The following RBKS variants were observed in gnomAD, a reference collection of about 807,000 sequenced individuals.
RBKS encodes the protein ribokinase.
RBKS carries 33 observed loss-of-function variants against 33.9 expected under a neutral mutation model. The observed-to-expected ratio is 0.97, with a 90% CI of 0.74 to 1.30. The LOEUF (loss-of-function observed/expected upper bound fraction) is 1.30, where lower values mean the gene tolerates loss of function less well. RBKS is among the 50% of genes most tolerant of loss of function. The pLI is 0.00. For missense variants in RBKS, 361 were observed against 392.6 expected, an observed-to-expected ratio of 0.92 and a Z score of 0.68; for synonymous variants, 125 against 143.0, an observed-to-expected ratio of 0.87 and a Z score of 0.90.
Position 27,872,001 on chromosome 2 carries a change from C to T in RBKS, c.90-13430G>A, listed in dbSNP as rs914359282. 9.8e-5 allele frequency among the ~76,000 whole-genome samples: 15 copies of T among 152,288 alleles called. No individual in the cohort carries two copies. In the South Asian group the frequency reaches 2.9e-3, roughly 29 times the overall value. On this transcript the variant is annotated intron_variant, in intron 1 of 7. Coordinates refer to ENST00000302188, the MANE Select transcript of RBKS (RefSeq NM_022128.3). ...CATGTGCAGTTCACGATAGGGTTCACGCTACTATGAGAAACTAATGCTACT... is the reference window on the plus strand; with the variant it reads ...CATGTGCAGTTCACGATAGGGTTCATGCTACTATGAGAAACTAATGCTACT...
intron 1 of RBKS, among the ~76,000 whole-genome samples, chr2:27,889,227 A>C (rs1276720642): frequency 6.6e-6 from 1 of 152,218 alleles, no homozygotes; most frequent in East Asian, 1.9e-4. Flanking sequence ...CTATTTTCTG[A>C]GTAGAATACA....
chr2:27,826,999 G>GAA lies in RBKS; in HGVS notation c.795+566_795+567dup, dbSNP rs11429808. On this transcript the variant is annotated intron_variant, in intron 7 of 7. Transcript: ENST00000302188. ...TCACAGAATTGTTTAAAGATTAAAT[G>GAA]AAAAAAAAGATTAAATGAGATGTAT... is the stretch of plus-strand genomic sequence containing the variant. 6.5e-3 allele frequency among the ~76,000 whole-genome samples: 988 copies of GAA among 151,866 alleles called. 7 individuals carry two copies. The highest frequency in any genetic ancestry group is 8.0e-3 in the Non-Finnish European group (546 of 67,916).
intron 1 of RBKS, among the ~76,000 whole-genome samples, chr2:27,888,797 A>T (rs1052250863): frequency 1.3e-5 from 2 of 152,190 alleles, no homozygotes; most frequent in Non-Finnish European, 2.9e-5. Context: ...GTTAAAAAAA[A>T]ATGTGACCTT....
chr2:27,831,886 A>C (rs982488003), intron 6 of RBKS, among the ~76,000 whole-genome samples: 6 of 131,780 alleles, frequency 4.6e-5, no homozygotes, highest in Non-Finnish European at 9.2e-5. Context: ...CTGCATTCCA[A>C]CCTGGGTGAA....
rs532300263 is a variant in RBKS at position 27,810,469 on chromosome 2, G to T, written c.795+17098C>A. 1.6e-4 allele frequency among the ~76,000 whole-genome samples: 24 copies of T among 152,192 alleles called. No individual in the cohort carries two copies. The South Asian group carries it at 4.8e-3, about 30-fold the overall frequency. On this transcript the variant is annotated intron_variant, in intron 7 of 7. Coordinates refer to ENST00000302188, the MANE Select transcript of RBKS (RefSeq NM_022128.3). This position sits in a 1 kb window ranked among gnomAD's most constrained non-coding sequence, Gnocchi z 4.4. Reference sequence around the variant, plus strand: ...GGAAGGGCATTTATGGATCACCTGAGATTTTAATTTTATTTTTTGTAAGTT... The same window carrying T: ...GGAAGGGCATTTATGGATCACCTGATATTTTAATTTTATTTTTTGTAAGTT...
At chr2:27,880,018 C>T (rs574846321) in intron 1 of RBKS, among the ~76,000 whole-genome samples, 43 of 152,038 alleles carry the variant, frequency 2.8e-4, no homozygotes, top group Middle Eastern at 6.8e-3. Context: ...GATACCAAAA[C>T]CTGGCAAAAG....
At chr2:27,870,014 C>T (rs1006984065) in intron 1 of RBKS, 2 of 152,298 alleles carry the variant, frequency 1.3e-5, no homozygotes, top group Non-Finnish European at 2.9e-5. Flanking sequence ...CCTTTTCCAG[C>T]ACGGACAAAG....
intron 1 of RBKS, among the ~76,000 whole-genome samples, chr2:27,882,462 C>T (rs1027818943): frequency 6.6e-6 from 1 of 152,162 alleles, no homozygotes; most frequent in Non-Finnish European, 1.5e-5. Context: ...AAAAGGAATG[C>T]TTATACACTG....
Position 27,843,162 on chromosome 2 carries a change from G to C in RBKS, c.419C>G (p.Ala140Gly), listed in dbSNP as rs1238105188. 6.2e-7 allele frequency: 1 copy of C among 1,612,832 alleles called. No homozygotes were observed. The highest frequency in any genetic ancestry group is 1.7e-5 in the Admixed American group (1 of 59,852). ...GACTTTGGCTCTGCTAATGACATTG[G>C]CTGCTGCCCTCAGATCCTCCGTATT... ...LLNTEDLRAA[A>G]NVISRAKVMV... The change falls in exon 5 of 8, where the codon GCC becomes GGC. Residue 140 changes from alanine to glycine, a missense_variant. By Grantham distance (60) the Ala-to-Gly change is moderately conservative. Coordinates refer to ENST00000302188, the MANE Select transcript of RBKS (RefSeq NM_022128.3).
At position 27,803,613 on chromosome 2, in the gene RBKS, CAG is replaced by C. The variant is rs769902203; in HGVS notation, c.796-21827_796-21826del. 8.6e-5 allele frequency among the ~76,000 whole-genome samples: 13 copies of C among 151,232 alleles called. 2 individuals carry two copies. The highest frequency in any genetic ancestry group is 3.3e-4 in the Admixed American group (5 of 15,188). ...GCAGAGGTGGGAGGATTTATTGAGT[CAG>C]GGGGTGGAAGTCACAGTGAGACAAG... On this transcript the variant is annotated intron_variant, in intron 7 of 7. Coordinates refer to ENST00000302188, the MANE Select transcript of RBKS (RefSeq NM_022128.3).
intron 1 of RBKS, among the ~76,000 whole-genome samples, chr2:27,881,364 A>G (rs555723400): frequency 6.6e-6 from 1 of 152,078 alleles, no homozygotes; most frequent in South Asian, 2.1e-4. Context: ...AACATGGCGA[A>G]ACCCCGTCTC....
chr2:27,865,713 T>A (rs4666028), intron 1 of RBKS, among the ~76,000 whole-genome samples: 39,125 of 151,508 alleles, frequency 0.26, 6,062 homozygotes, highest in East Asian at 0.63. Flanking sequence ...CATGCCTGGC[T>A]GATTTTTTCC....
At chr2:27,840,346 ACACACACACGCGCGCGCG>A (rs1420069620) in intron 5 of RBKS, among the ~76,000 whole-genome samples, 46 of 136,304 alleles carry the variant, frequency 3.4e-4, no homozygotes, top group African/African-American at 1.4e-3. Context: ...ACACACACAC[ACACACACACGCGCGCGCG>A]CACACACACA....
chr2:27,800,836 G>A (rs889774507), intron 7 of RBKS, among the ~76,000 whole-genome samples: 8 of 152,196 alleles, frequency 5.3e-5, no homozygotes, highest in African/African-American at 1.4e-4. Context: ...TATGAGGGAT[G>A]CCAGGCTCCA....
Position 27,858,047 on chromosome 2 carries a change from C to T in RBKS, c.222+392G>A, listed in dbSNP as rs542879832. Among the ~76,000 whole-genome samples, 3 of 152,260 alleles carry T rather than the reference C, an allele frequency of 2.0e-5. No individual in the cohort carries two copies. The East Asian group carries it at 5.8e-4, about 29-fold the overall frequency. On this transcript the variant is annotated intron_variant, in intron 2 of 7. Transcript: ENST00000302188. The stretch of plus-strand genomic sequence containing the variant: ...TTCAACCACAAAAAGGAAGGAAATA[C>T]TGATATATGCTACAATGTTGTACCT...
intron 5 of RBKS, among the ~76,000 whole-genome samples, chr2:27,833,566 C>T (rs1035356698): frequency 6.6e-6 from 1 of 152,074 alleles, no homozygotes; most frequent in Non-Finnish European, 1.5e-5. Flanking sequence ...GGTCCTATGT[C>T]TCAGTTCATA....
intron 7 of RBKS, among the ~76,000 whole-genome samples, chr2:27,796,048 T>A (rs936328408): frequency 6.6e-6 from 1 of 152,316 alleles, no homozygotes; most frequent in African/African-American, 2.4e-5. Flanking sequence ...TGGCCCTTGC[T>A]GAACTACACG....
intron 7 of RBKS, among the ~76,000 whole-genome samples, chr2:27,805,668 G>A (rs927674197): frequency 1.4e-4 from 22 of 151,994 alleles, no homozygotes; most frequent in African/African-American, 4.1e-4. Flanking sequence ...TCTACCTTCC[G>A]GGTTCAAGCG....
At position 27,809,181 on chromosome 2, in the gene RBKS, T is replaced by A. The variant is rs1048903715; in HGVS notation, c.795+18386A>T. ...CCTTGTTTGGCCAGCCTGAGGAACA[T>A]GTGAAGGACACTGTCACCCTGAGAG... On this transcript the variant is annotated intron_variant, in intron 7 of 7. Transcript: ENST00000302188. 1.3e-4 allele frequency among the ~76,000 whole-genome samples: 20 copies of A among 152,318 alleles called. 1 individual carries two copies. The highest frequency in any genetic ancestry group is 4.1e-4 in the African/African-American group (17 of 41,582).
Sources: gnomAD v4.1 joint callset for allele counts (sites outside exome capture counted in the v4.1 genomes callset) on GRCh38, gnomAD v4.1.1 for gene constraint, Gnocchi (gnomAD v3.1) non-coding constraint, MANE v1.5 for transcripts, NCBI Gene and HGNC (gene_info 2026-07-23, HGNC 2026-07-21) for gene names.